The following HYDIN variants were observed in gnomAD, a reference collection of about 807,000 sequenced individuals.
HYDIN encodes axonemal central pair apparatus protein HYDIN.
HYDIN carries 132 observed loss-of-function variants against 403.9 expected under a neutral mutation model. The observed-to-expected ratio is 0.33, with a 90% CI of 0.28 to 0.38. HYDIN has a LOEUF of 0.38. Ranked by LOEUF, HYDIN falls within the 10% of genes least tolerant of loss-of-function variation. The pLI is 1.00. For synonymous variants in HYDIN, 1,202 were observed against 1,891.7 expected (o/e 0.64, Z 9.46); for missense variants, 2,827 against 5,009.5 (o/e 0.56, Z 13.15).
chr16:71,038,252 A>G (rs1312713051), intron 18 of HYDIN, among the ~76,000 whole-genome samples: 1 of 152,396 alleles, frequency 6.6e-6, no homozygotes, highest in African/African-American at 2.4e-5. Context: ...ATATCTAAGG[A>G]TAACATTTGC....
chr16:70,865,740 G>A (rs2039709093), intron 67 of HYDIN, among the ~76,000 whole-genome samples: 1 of 152,064 alleles, frequency 6.6e-6, no homozygotes, highest in South Asian at 2.1e-4. Context: ...AGGGACCCCA[G>A]AAGATATATC....
chr16:70,854,351 C>A (rs1283900505), intron 73 of HYDIN, among the ~76,000 whole-genome samples: 2 of 149,188 alleles, frequency 1.3e-5, no homozygotes, highest in Admixed American at 1.3e-4. Context: ...TCTCATGCCT[C>A]AGCCTCCCAA....
At chr16:70,967,255 C>G (rs1223270347) in intron 36 of HYDIN, among the ~76,000 whole-genome samples, 1 of 151,980 alleles carries the variant, frequency 6.6e-6, no homozygotes, top group Non-Finnish European at 1.5e-5. Context: ...GACTCAGTAG[C>G]CTTACTGTTA....
chr16:71,114,063 T>C (rs1316542609), intron 10 of HYDIN: 4 of 150,762 alleles, frequency 2.7e-5, no homozygotes, highest in Non-Finnish European at 4.4e-5. Flanking sequence ...ATCTGAGAGG[T>C]TGATTTGCTG....
intron 18 of HYDIN, among the ~76,000 whole-genome samples, chr16:71,036,071 G>A (rs547746399): frequency 1.4e-3 from 215 of 152,276 alleles, no homozygotes; most frequent in Non-Finnish European, 2.3e-3. Context: ...AAGTTTCCTT[G>A]TTGGTTCACT....
chr16:71,065,994 T>C (rs1015924838), intron 15 of HYDIN, among the ~76,000 whole-genome samples: 2 of 152,224 alleles, frequency 1.3e-5, no homozygotes, highest in Admixed American at 1.3e-4. Context: ...AGTTGTCTGT[T>C]GACCCAGTGA....
intron 37 of HYDIN, among the ~76,000 whole-genome samples, chr16:70,963,027 G>T (rs562716597): frequency 3.6e-4 from 55 of 152,176 alleles, no homozygotes; most frequent in Non-Finnish European, 7.2e-4. Context: ...CAAACATGGT[G>T]TGTGACGACA....
chr16:70,955,098 C>T (rs1256033778), intron 40 of HYDIN, among the ~76,000 whole-genome samples: 2 of 152,216 alleles, frequency 1.3e-5, no homozygotes, highest in East Asian at 1.9e-4. Context: ...TGTCTGCTTC[C>T]CCCACCAGGT....
chr16:70,813,631 T>A (rs2035647976), intron 84 of HYDIN, among the ~76,000 whole-genome samples: 1 of 152,260 alleles, frequency 6.6e-6, no homozygotes, highest in Non-Finnish European at 1.5e-5. Flanking sequence ...GATCAACAAA[T>A]AACTAATATA....
At chr16:70,961,314 A>G (rs1832027987) in intron 38 of HYDIN, among the ~76,000 whole-genome samples, 1 of 151,976 alleles carries the variant, frequency 6.6e-6, no homozygotes, top group South Asian at 2.1e-4. Flanking sequence ...TTGCCATTAC[A>G]TGTTCCTGAC....
chr16:70,823,572 A>G (rs2036399353), intron 83 of HYDIN, among the ~76,000 whole-genome samples: 1 of 145,884 alleles, frequency 6.9e-6, no homozygotes, highest in African/African-American at 2.5e-5. Context: ...TTAATGAGGT[A>G]TTAATGCAAT....
intron 75 of HYDIN, among the ~76,000 whole-genome samples, chr16:70,844,864 T>C (rs577701340): frequency 6.6e-6 from 1 of 151,932 alleles, no homozygotes; most frequent in Non-Finnish European, 1.5e-5. Context: ...TGTACAAGAA[T>C]GCTTGTGATT....
chr16:70,818,112 T>A (rs4985428), intron 84 of HYDIN, among the ~76,000 whole-genome samples: 11,199 of 151,978 alleles, frequency 0.074, 434 homozygotes, highest in East Asian at 0.11. Context: ...AACAAACAAA[T>A]CACAGAGACA....
intron 28 of HYDIN, among the ~76,000 whole-genome samples, chr16:70,984,384 T>TAAAAAA (rs71387558): frequency 1.1e-5 from 1 of 90,724 alleles, no homozygotes; most frequent in Non-Finnish European, 2.3e-5. Flanking sequence ...GACATGGTCT[T>TAAAAAA]AAAAAAAAAA....
At chr16:71,133,195 G>C (rs1485204582) in intron 8 of HYDIN, 1 of 444,536 alleles carries the variant, frequency 2.2e-6, no homozygotes, top group Non-Finnish European at 4.5e-6. Context: ...TGAATGCTGA[G>C]GAGATTAAAA....
intron 1 of HYDIN, among the ~76,000 whole-genome samples, chr16:71,230,081 T>C (rs572057234): frequency 6.6e-6 from 1 of 152,344 alleles, no homozygotes; most frequent in Admixed American, 6.5e-5. Context: ...ACCATGATTG[T>C]GAGGCCTCCC....
chr16:71,021,230 T>TG (rs2080479696), intron 21 of HYDIN, among the ~76,000 whole-genome samples: 1 of 151,784 alleles, frequency 6.6e-6, no homozygotes. Context: ...CTTTTTTTTT[T>TG]TTTTGAGACA....
In HYDIN at chr16:70,879,595, G is replaced by C; in HGVS notation, c.10367+10C>G. 1 of 1,613,556 alleles carries C rather than the reference G, an allele frequency of 6.2e-7. No homozygotes were observed. The highest frequency in any genetic ancestry group is 8.5e-7 in the Non-Finnish European group (1 of 1,179,984). On this transcript the variant is annotated intron_variant, in intron 61 of 85. Transcript: ENST00000393567. ...TGCAGGAGAGGGAGCTGGGAGCTGGGAGTTGGTACCTGGGCAAGCCATCCA... is the reference window on the plus strand; with the variant it reads ...TGCAGGAGAGGGAGCTGGGAGCTGGCAGTTGGTACCTGGGCAAGCCATCCA...
intron 1 of HYDIN, among the ~76,000 whole-genome samples, chr16:71,208,790 T>C (rs1477919810): frequency 6.6e-6 from 1 of 151,868 alleles, no homozygotes; most frequent in Non-Finnish European, 1.5e-5. Context: ...AATTAGAAAA[T>C]CTAGAAGAAA....
Sources: allele counts gnomAD v4.1 joint callset (sites outside exome capture counted in the v4.1 genomes callset), GRCh38; gene constraint gnomAD v4.1.1; transcripts MANE v1.5; gene names NCBI Gene and HGNC (gene_info 2026-07-23, HGNC 2026-07-21).